Variants in KDM4B observed in about 807,000 individuals in gnomAD.
KDM4B encodes lysine demethylase 4B.
Under a neutral mutation model 125.2 loss-of-function variants are expected in KDM4B, and 32 were observed. That is an observed-to-expected ratio of 0.26 (90% CI 0.19 to 0.34). KDM4B has a LOEUF of 0.34. Among genes scored for constraint, KDM4B ranks in the 10% least tolerant of loss-of-function variants. The pLI, the probability that KDM4B is intolerant of heterozygous loss-of-function variation, is 1.00. For synonymous variants in KDM4B, 721 were observed against 677.9 expected, an observed-to-expected ratio of 1.06 and a Z score of -0.99; for missense variants, 1,190 against 1,577.7, an observed-to-expected ratio of 0.75 and a Z score of 4.16.
At chr19:5,047,390 C>A in intron 5 of KDM4B, 86 bp from the exon 6 acceptor site, 1 of 1,315,224 alleles carries the variant, frequency 7.6e-7, no homozygotes, top group Non-Finnish European at 1.0e-6. Context: ...ACCCCTGGGA[C>A]TCTGGGGAGA....
At chr19:5,129,364 C>G (rs185433032) in intron 11 of KDM4B, among the ~76,000 whole-genome samples, 62 of 152,134 alleles carry the variant, frequency 4.1e-4, no homozygotes, top group Non-Finnish European at 8.2e-4. Flanking sequence ...ACCCTCGGCC[C>G]TTGGGAGCCT....
intron 7 of KDM4B, chr19:5,077,073 C>T (rs1046065229): frequency 9.1e-5 from 37 of 408,352 alleles, no homozygotes; most frequent in African/African-American, 1.4e-4. Context: ...TGGGCAGAGA[C>T]GAGACCAGGC....
chr19:5,002,889 T>A (rs1352192821), intron 1 of KDM4B, among the ~76,000 whole-genome samples: 3 of 152,140 alleles, frequency 2.0e-5, no homozygotes, highest in Non-Finnish European at 4.4e-5. Flanking sequence ...AGTTCAAGGC[T>A]GCCATGAGCT....
At position 5,151,872 on chromosome 19, in the gene KDM4B, C is replaced by T. The variant is rs2039954397; in HGVS notation, c.*361C>T. On this transcript the variant is annotated 3_prime_UTR_variant, in exon 23 of 23. Transcript: ENST00000159111. ...CTTTGTGAGGCTCTTTCTATAAATA[C>T]ATATTGTTTAAAAAAAAGCAAGAAA... is the stretch of plus-strand genomic sequence containing the variant. The T allele has an allele frequency of 4.5e-6, 1 of 220,326 alleles. No individual in the cohort carries two copies. The highest frequency in any genetic ancestry group is 8.9e-6 in the Non-Finnish European group (1 of 112,744). 13.6% of individuals were successfully genotyped at this position (220,326 alleles called of 1,614,324 possible). A position where few individuals can be genotyped will look rare whatever the true frequency, so the allele number is the denominator to read the frequency against.
chr19:5,013,243 G>A (rs1471693369), intron 1 of KDM4B, among the ~76,000 whole-genome samples: 2 of 152,194 alleles, frequency 1.3e-5, no homozygotes, highest in Non-Finnish European at 2.9e-5. Flanking sequence ...TGCAGCGGGG[G>A]AGAGAGCTGT....
In KDM4B at chr19:5,151,598, G is replaced by T; in HGVS notation, c.*87G>T. ...TCGCTTGCTGTGAATTCCTGTCCTC[G>T]TGTCCCCGACCCCCGAGAGGCCACC... On this transcript the variant is annotated 3_prime_UTR_variant, in exon 23 of 23. Transcript: ENST00000159111. 1 of 1,182,898 alleles carries T rather than the reference G, an allele frequency of 8.5e-7. No homozygotes were observed. Among genetic ancestry groups the T allele is most frequent in the Non-Finnish European group, 1.1e-6 (1 of 929,574 alleles). 73.3% of individuals were successfully genotyped at this position (1,182,898 alleles called of 1,614,324 possible).
chr19:5,114,096 G>T lies in KDM4B; in HGVS notation c.1115+3278G>T, dbSNP rs1288677741. 3.1e-6 allele frequency: 4 copies of T among 1,289,532 alleles called. No homozygotes were observed. Among genetic ancestry groups the T allele is most frequent in the South Asian group, 1.2e-5 (1 of 81,010 alleles). The allele number at this position is 1,289,532 out of a possible 1,614,324, so 79.9% of individuals were successfully genotyped here. On this transcript the variant is annotated intron_variant, in intron 10 of 22. Coordinates refer to ENST00000159111, the MANE Select transcript of KDM4B (RefSeq NM_015015.3). The surrounding 1 kb of genome is among the most constrained non-coding windows in gnomAD (Gnocchi z 5.8). Reference sequence around the variant, plus strand: ...GGTGCCCTCAGCCTCCCCACTCCCGGTGGCGCTGTGCGTTCTGGTGCCCTG... The same window carrying T: ...GGTGCCCTCAGCCTCCCCACTCCCGTTGGCGCTGTGCGTTCTGGTGCCCTG...
chr19:4,985,157 C>T (rs1322423904), intron 1 of KDM4B, among the ~76,000 whole-genome samples: 1 of 152,160 alleles, frequency 6.6e-6, no homozygotes, highest in Non-Finnish European at 1.5e-5. Flanking sequence ...AACCCCTTCT[C>T]TACTAAAAAT....
intron 2 of KDM4B, among the ~76,000 whole-genome samples, chr19:5,029,423 C>T (rs146821110): frequency 5.3e-5 from 8 of 152,348 alleles, no homozygotes; most frequent in African/African-American, 1.9e-4. Flanking sequence ...TCAGTAAATT[C>T]CCTCTTCCCT....
At chr19:5,064,025 C>T (rs973983211) in intron 6 of KDM4B, among the ~76,000 whole-genome samples, 7 of 152,236 alleles carry the variant, frequency 4.6e-5, no homozygotes, top group Non-Finnish European at 7.3e-5. Flanking sequence ...CTCTCCTTCC[C>T]GGCCTGTGCC....
intron 7 of KDM4B, chr19:5,076,846 G>A (rs1479142396): frequency 1.2e-5 from 2 of 164,654 alleles, no homozygotes; most frequent in Admixed American, 6.0e-5. Context: ...GACGAGAGCG[G>A]CCACACCGTG....
chr19:5,128,831 AGGGGCCAGATAACAGTGGAGGCGG>A (rs2039493252), intron 11 of KDM4B, among the ~76,000 whole-genome samples: 1 of 72,852 alleles, frequency 1.4e-5, no homozygotes, highest in South Asian at 4.9e-4. Flanking sequence ...ATAACAGCTG[AGGGGCCAGATAACAGTGGAGGCGG>A]GGGGCGGGGG....
chr19:4,987,047 C>G (rs957460302), intron 1 of KDM4B, among the ~76,000 whole-genome samples: 1 of 152,000 alleles, frequency 6.6e-6, no homozygotes, highest in African/African-American at 2.4e-5. Context: ...CAACCTCTGC[C>G]TACTGGGTTC....
At chr19:5,132,068 G>T (rs1268463587) in intron 13 of KDM4B, 61 bp downstream of exon 13, 30 of 1,499,642 alleles carry the variant, frequency 2.0e-5, no homozygotes, top group Non-Finnish European at 1.8e-5. Flanking sequence ...GCTGCTGCTG[G>T]AGGGGGGGCC....
intron 1 of KDM4B, among the ~76,000 whole-genome samples, chr19:5,005,984 A>G (rs1044927946): frequency 3.9e-5 from 6 of 152,138 alleles, no homozygotes; most frequent in Non-Finnish European, 8.8e-5. Context: ...GCTGCACTTC[A>G]GGGCCTCCAT....
At chr19:5,001,061 T>A (rs2035368551) in intron 1 of KDM4B, among the ~76,000 whole-genome samples, 1 of 151,878 alleles carries the variant, frequency 6.6e-6, no homozygotes, top group Non-Finnish European at 1.5e-5. Context: ...AGACAGAGTC[T>A]TTCTCTGTTG....
At chr19:4,976,336 C>T (rs1190249753) in intron 1 of KDM4B, among the ~76,000 whole-genome samples, 3 of 151,784 alleles carry the variant, frequency 2.0e-5, no homozygotes, top group Admixed American at 2.0e-4. Flanking sequence ...GACATCCACC[C>T]AGACAGCCTC....
intron 2 of KDM4B, among the ~76,000 whole-genome samples, chr19:5,023,534 G>A (rs2036186802): frequency 2.6e-5 from 4 of 152,272 alleles, no homozygotes; most frequent in East Asian, 1.9e-4. Context: ...GCTGGGAACC[G>A]TGCTTTGGCA....
At chr19:5,129,327 G>T (rs971338830) in intron 11 of KDM4B, among the ~76,000 whole-genome samples, 2 of 151,928 alleles carry the variant, frequency 1.3e-5, no homozygotes. Flanking sequence ...CCTTACTGGG[G>T]TCAGTGTGGG....
Sources: allele counts gnomAD v4.1 joint callset (sites outside exome capture counted in the v4.1 genomes callset), GRCh38; gene constraint gnomAD v4.1.1; non-coding constraint Gnocchi (gnomAD v3.1); transcripts MANE v1.5; gene names NCBI Gene and HGNC (gene_info 2026-07-23, HGNC 2026-07-21).